Variants in IP6K3 observed in about 807,000 individuals in gnomAD.
The protein encoded by IP6K3 is ATP:1D-myo-inositol-hexakisphosphate phosphotransferase.
In IP6K3, 20 loss-of-function variants were observed where a neutral mutation model predicts 28.8. That is an observed-to-expected ratio of 0.70 (90% CI 0.49 to 1.01). IP6K3 has a LOEUF of 1.01. Ranked by LOEUF, IP6K3 falls within the 50% of genes least tolerant of loss-of-function variation. IP6K3 has a pLI of 0.00. For missense variants in IP6K3, 480 were observed against 537.1 expected (o/e 0.89, Z 1.05); for synonymous variants, 213 against 221.3 (o/e 0.96, Z 0.33).
At chr6:33,761,277 A>G in the IP6K3 span, among the ~76,000 whole-genome samples, 4 of 152,044 alleles carry the variant, frequency 2.6e-5, no homozygotes, top group South Asian at 2.1e-4. Flanking sequence ...CCCACCTGCC[A>G]GGGACCCATG....
chr6:33,755,214 G>A, the IP6K3 span, among the ~76,000 whole-genome samples: 2 of 152,242 alleles, frequency 1.3e-5, no homozygotes, highest in African/African-American at 4.8e-5. Context: ...CAAGGCCAGT[G>A]CAGAAACCCA....
At chr6:33,755,607 G>A in the IP6K3 span, among the ~76,000 whole-genome samples, 9 of 152,194 alleles carry the variant, frequency 5.9e-5, no homozygotes, top group Non-Finnish European at 8.8e-5. Context: ...TTTGTGTGGT[G>A]GCCCTCCCTG....
At chr6:33,752,403 C>G in the IP6K3 span, among the ~76,000 whole-genome samples, 4 of 152,198 alleles carry the variant, frequency 2.6e-5, no homozygotes, top group Non-Finnish European at 5.9e-5. Flanking sequence ...GAGGGGGAGA[C>G]TGGGAGGACC....
At chr6:33,728,736 A>C (rs1362125144) in intron 2 of IP6K3, among the ~76,000 whole-genome samples, 1 of 152,068 alleles carries the variant, frequency 6.6e-6, no homozygotes. Context: ...CAGTGAGGGA[A>C]GTTGGGCCCA....
chr6:33,760,529 G>GTTTGT, the IP6K3 span, among the ~76,000 whole-genome samples: 21 of 152,146 alleles, frequency 1.4e-4, no homozygotes, highest in African/African-American at 5.1e-4. Flanking sequence ...TCCTTCTCCT[G>GTTTGT]TTTGTTTTGT....
intron 5 of IP6K3, among the ~76,000 whole-genome samples, chr6:33,724,903 A>G (rs1222959500): frequency 6.6e-6 from 1 of 152,186 alleles, no homozygotes; most frequent in Non-Finnish European, 1.5e-5. Flanking sequence ...CAAAGTTCAA[A>G]TGTGATGGTT....
the IP6K3 span, among the ~76,000 whole-genome samples, chr6:33,761,345 C>A: frequency 6.6e-6 from 1 of 152,100 alleles, no homozygotes; most frequent in African/African-American, 2.4e-5. Context: ...TGCTCTGATA[C>A]AGCCTCCCCC....
chr6:33,731,530 A>G (rs1337401370), intron 2 of IP6K3, among the ~76,000 whole-genome samples: 1 of 152,244 alleles, frequency 6.6e-6, no homozygotes, highest in Admixed American at 6.5e-5. Context: ...AGAGTTACAC[A>G]GCCAGGCTCT....
intron 3 of IP6K3, among the ~76,000 whole-genome samples, chr6:33,727,353 G>A (rs2281830): frequency 0.26 from 39,839 of 152,066 alleles, 6,514 homozygotes; most frequent in East Asian, 0.75. Context: ...TGTGGTGAGC[G>A]TGGACAGCGG....
At chr6:33,748,244 C>G (rs1044803747), upstream of IP6K3, among the ~76,000 whole-genome samples, 1 of 152,168 alleles carries the variant, frequency 6.6e-6, no homozygotes, top group Non-Finnish European at 1.5e-5. Flanking sequence ...CTTCTGGTCC[C>G]TCCAGACCTG....
At chr6:33,747,300 C>G (rs760038997), upstream of IP6K3, among the ~76,000 whole-genome samples, 1 of 152,164 alleles carries the variant, frequency 6.6e-6, no homozygotes, top group Non-Finnish European at 1.5e-5. This position sits in a 1 kb window ranked among gnomAD's most constrained non-coding sequence, Gnocchi z 5.2. Flanking sequence ...GCAGCTTACC[C>G]CATACTGTGG....
At chr6:33,738,133 G>A (rs1036702038) in intron 1 of IP6K3, among the ~76,000 whole-genome samples, 7 of 152,166 alleles carry the variant, frequency 4.6e-5, no homozygotes, top group Non-Finnish European at 8.8e-5. Flanking sequence ...CTGGCATGTC[G>A]GCCTTTGCCA....
Position 33,746,358 on chromosome 6 carries a change from C to T in IP6K3, c.-180+400G>A, listed in dbSNP as rs367674140. On this transcript the variant is annotated intron_variant, in intron 1 of 5. Coordinates refer to ENST00000293756, the MANE Select transcript of IP6K3 (RefSeq NM_054111.5). The surrounding 1 kb of genome is among the most constrained non-coding windows in gnomAD (Gnocchi z 6.5). ...GATGCTGCCCGCGTTTCTTGGACAC[C>T]GGCCTCTGTTAAGGGTTAACGCAGC... 1.3e-4 allele frequency among the ~76,000 whole-genome samples: 20 copies of T among 152,260 alleles called. No individual in the cohort carries two copies. Among genetic ancestry groups the T allele is most frequent in the South Asian group, 8.3e-4 (4 of 4,820 alleles).
Position 33,725,451 on chromosome 6 carries a change from C to G in IP6K3, c.755G>C (p.Cys252Ser), listed in dbSNP as rs766893493. 6.2e-7 allele frequency: 1 copy of G among 1,610,388 alleles called. No homozygotes were observed. The highest frequency in any genetic ancestry group is 1.1e-5 in the South Asian group (1 of 91,012). Residue 252 changes from cysteine to serine, a missense_variant, in exon 5 of 6, where the codon TGC becomes TCC. Coordinates refer to ENST00000293756, the MANE Select transcript of IP6K3 (RefSeq NM_054111.5). ...STSACLGVRICGMQVYQTDKK... is the reference protein window; with the variant it reads ...STSACLGVRISGMQVYQTDKK... The stretch of plus-strand genomic sequence containing the variant: ...TCCCCTGCGACCTACCTGCATGCCG[C>G]AGATGCGCACACCCAGGCAGGCTGA...
At chr6:33,736,147 G>A (rs1485683995) in intron 1 of IP6K3, among the ~76,000 whole-genome samples, 3 of 152,212 alleles carry the variant, frequency 2.0e-5, no homozygotes, top group Non-Finnish European at 4.4e-5. Context: ...TTATAGGCGT[G>A]AGCCACTGTG....
Position 33,722,767 on chromosome 6 carries a change from G to A in IP6K3, c.1186C>T (p.Leu396=), listed in dbSNP as rs773725067. 8.1e-6 allele frequency: 13 copies of A among 1,613,760 alleles called. No individual in the cohort carries two copies. The highest frequency in any genetic ancestry group is 1.1e-5 in the Non-Finnish European group (13 of 1,179,872). Residue 396 remains leucine (L), a synonymous_variant, in exon 6 of 6, where the codon CTG becomes TTG. Coordinates refer to ENST00000293756, the MANE Select transcript of IP6K3 (RefSeq NM_054111.5). ...DGPDPGYIFG[L]ENLIRILQDI... ...TGCAGGATCCTGATGAGGTTTTCCA[G>A]GCCAAAAATATAGCCAGGGTCTGGT...
intron 1 of IP6K3, among the ~76,000 whole-genome samples, chr6:33,736,146 T>C (rs1766516548): frequency 1.3e-5 from 2 of 152,218 alleles, no homozygotes; most frequent in Admixed American, 1.3e-4. Context: ...ATTATAGGCG[T>C]GAGCCACTGT....
At chr6:33,740,392 A>G (rs4713674) in intron 1 of IP6K3, among the ~76,000 whole-genome samples, 64,702 of 152,184 alleles carry the variant, frequency 0.43, 16,048 homozygotes, top group East Asian at 0.86. Context: ...TCCAGGGCTA[A>G]TTTCTGCTGA....
chr6:33,761,815 G>T, the IP6K3 span, among the ~76,000 whole-genome samples: 1 of 152,076 alleles, frequency 6.6e-6, no homozygotes, highest in Non-Finnish European at 1.5e-5. Flanking sequence ...TGGGGACAGG[G>T]TTGCATCCCT....
Sources: allele counts gnomAD v4.1 joint callset (sites outside exome capture counted in the v4.1 genomes callset), GRCh38; gene constraint gnomAD v4.1.1; non-coding constraint Gnocchi (gnomAD v3.1); transcripts MANE v1.5; gene names NCBI Gene and HGNC (gene_info 2026-07-23, HGNC 2026-07-21).